Variants in PHACTR3 observed in about 807,000 individuals in gnomAD.
The protein encoded by PHACTR3 is protein phosphatase 1, regulatory subunit 123.
In PHACTR3, 16 loss-of-function variants were observed where a neutral mutation model predicts 66.8. That is an observed-to-expected ratio of 0.24 (90% CI 0.16 to 0.36). The LOEUF (loss-of-function observed/expected upper bound fraction) is 0.36. Ranked by LOEUF, PHACTR3 falls within the 10% of genes least tolerant of loss-of-function variation. The probability of loss-of-function intolerance (pLI) is 1.00; values close to 1 mark genes in which losing one functional copy is unlikely to be tolerated. For missense variants in PHACTR3, 647 were observed against 719.9 expected, an observed-to-expected ratio of 0.90 and a Z score of 1.16; for synonymous variants, 323 against 292.1, an observed-to-expected ratio of 1.11 and a Z score of -1.08.
At chr20:59,593,033 C>G (rs1022283681) in intron 1 of PHACTR3, among the ~76,000 whole-genome samples, 2 of 152,148 alleles carry the variant, frequency 1.3e-5, no homozygotes, top group Non-Finnish European at 2.9e-5. Flanking sequence ...ATGTCTGGAT[C>G]GTGTGGTAAG....
intron 1 of PHACTR3, among the ~76,000 whole-genome samples, chr20:59,631,485 G>A (rs2034661571): frequency 6.6e-6 from 1 of 152,120 alleles, no homozygotes; most frequent in Non-Finnish European, 1.5e-5. Flanking sequence ...AGGGAGGAGA[G>A]AGGTAGGACT....
intron 8 of PHACTR3, among the ~76,000 whole-genome samples, chr20:59,806,464 C>A (rs552723188): frequency 6.6e-6 from 1 of 152,380 alleles, no homozygotes; most frequent in South Asian, 2.1e-4. Context: ...TGGACATCAT[C>A]AAATGCCTCC....
chr20:59,743,201 G>T lies in PHACTR3; in HGVS notation c.213G>T (p.Leu71=). 1 of 1,614,112 alleles carries T rather than the reference G, an allele frequency of 6.2e-7. No homozygotes were observed. Among genetic ancestry groups the T allele is most frequent in the Non-Finnish European group, 8.5e-7 (1 of 1,179,982 alleles). The change falls in exon 2 of 13, where the codon CTG becomes CTT. Residue 71 remains leucine (L), a synonymous_variant. Transcript: ENST00000371015. ...PVRRNSKLAT[L]GRIFKPWKWR... ...GGAGGAACAGCAAACTGGCCACCCT[G>T]GGCAGGATCTTCAAACCCTGGAAAT...
At chr20:59,674,177 C>A (rs879129929) in intron 1 of PHACTR3, among the ~76,000 whole-genome samples, 4 of 143,532 alleles carry the variant, frequency 2.8e-5, no homozygotes, top group African/African-American at 5.7e-5. Flanking sequence ...AAGGGCAAGA[C>A]GTCTTCTAAC....
chr20:59,614,992 T>C (rs746034826), intron 1 of PHACTR3, among the ~76,000 whole-genome samples: 1 of 152,166 alleles, frequency 6.6e-6, no homozygotes, highest in African/African-American at 2.4e-5. Context: ...ACCTCCACGG[T>C]GTCAGGACTG....
At chr20:59,790,482 G>A (rs2041056766) in intron 7 of PHACTR3, among the ~76,000 whole-genome samples, 1 of 152,212 alleles carries the variant, frequency 6.6e-6, no homozygotes, top group Non-Finnish European at 1.5e-5. Context: ...GCAGGAATGA[G>A]GACATTTTCT....
At chr20:59,608,766 C>T (rs1183119332) in intron 1 of PHACTR3, among the ~76,000 whole-genome samples, 2 of 152,238 alleles carry the variant, frequency 1.3e-5, no homozygotes, top group African/African-American at 2.4e-5. Context: ...GTGTTCTGCC[C>T]GGTCCTTCCA....
At chr20:59,586,544 G>A (rs1339584502) in intron 1 of PHACTR3, among the ~76,000 whole-genome samples, 1 of 151,600 alleles carries the variant, frequency 6.6e-6, no homozygotes, top group Admixed American at 6.6e-5. Flanking sequence ...TTTACTGTTT[G>A]GTTAAACATT....
chr20:59,583,602 C>A (rs1455033674), intron 1 of PHACTR3, among the ~76,000 whole-genome samples: 1 of 152,254 alleles, frequency 6.6e-6, no homozygotes, highest in Non-Finnish European at 1.5e-5. Context: ...CCAACAACCC[C>A]AGGGTGCTGG....
chr20:59,668,870 T>G lies in PHACTR3; in HGVS notation c.118+63738T>G, dbSNP rs866066668. 2.7e-4 allele frequency among the ~76,000 whole-genome samples: 37 copies of G among 138,678 alleles called. No homozygotes were observed. The South Asian group carries it at 5.3e-3, about 20-fold the overall frequency. 91.0% of individuals were successfully genotyped at this position (138,678 alleles called of 152,430 possible). A position where few individuals can be genotyped will look rare whatever the true frequency, so the allele number is the denominator to read the frequency against. ...TGCCCGTCACCACACACAGCTAATT[T>G]TTTTATTTTATTTTATTTTATTTTA... On this transcript the variant is annotated intron_variant, in intron 1 of 12. Transcript: ENST00000371015.
chr20:59,649,310 T>C (rs907984892), intron 1 of PHACTR3, among the ~76,000 whole-genome samples: 1 of 152,240 alleles, frequency 6.6e-6, no homozygotes, highest in East Asian at 1.9e-4. Flanking sequence ...AGCCAAGATA[T>C]GTGTATTTTC....
At chr20:59,671,664 C>G (rs1048480782) in intron 1 of PHACTR3, among the ~76,000 whole-genome samples, 2 of 152,236 alleles carry the variant, frequency 1.3e-5, no homozygotes, top group Admixed American at 1.3e-4. Context: ...CTAGAGGGTT[C>G]ATGAGGATGG....
In PHACTR3 at chr20:59,756,137, G is replaced by A. The variant is rs191687678; in HGVS notation, c.541+773G>A. 1.4e-4 allele frequency among the ~76,000 whole-genome samples: 21 copies of A among 152,256 alleles called. No individual in the cohort carries two copies. In the East Asian group the frequency reaches 4.1e-3, roughly 29 times the overall value. ...TAGGGGAGAAGGGAGGAAGGATAGA[G>A]GGGAGGAAAGCAGGAACTGGCCACA... On this transcript the variant is annotated intron_variant, in intron 4 of 12. Transcript: ENST00000371015.
chr20:59,601,206 G>C (rs2033470145), upstream of PHACTR3, among the ~76,000 whole-genome samples: 1 of 152,154 alleles, frequency 6.6e-6, no homozygotes, highest in African/African-American at 2.4e-5. Flanking sequence ...GCATATAACT[G>C]GGTTCATGTG....
chr20:59,804,756 T>C (rs143368811), intron 7 of PHACTR3, among the ~76,000 whole-genome samples: 84 of 152,354 alleles, frequency 5.5e-4, no homozygotes, highest in African/African-American at 1.9e-3. Context: ...ATGTTAGAAA[T>C]TCAAGACTTG....
At chr20:59,597,958 G>A (rs1004153444) in intron 1 of PHACTR3, among the ~76,000 whole-genome samples, 1 of 152,240 alleles carries the variant, frequency 6.6e-6, no homozygotes, top group African/African-American at 2.4e-5. Flanking sequence ...CCAGAAGCCT[G>A]TTCCTCTCCT....
chr20:59,766,129 C>G (rs892084321), intron 4 of PHACTR3, among the ~76,000 whole-genome samples: 4 of 152,280 alleles, frequency 2.6e-5, no homozygotes, highest in Non-Finnish European at 5.9e-5. Flanking sequence ...CTCAGTTTCC[C>G]CTGTAAAGCT....
intron 1 of PHACTR3, among the ~76,000 whole-genome samples, chr20:59,723,114 C>CTTTCTT (rs1463896241): frequency 9.4e-6 from 1 of 106,622 alleles, no homozygotes; most frequent in African/African-American, 3.6e-5. Flanking sequence ...TTCTTTCTTT[C>CTTTCTT]TTTCTTCAGC....
At chr20:59,754,851 C>A (rs982941189) in intron 3 of PHACTR3, among the ~76,000 whole-genome samples, 1 of 152,242 alleles carries the variant, frequency 6.6e-6, no homozygotes, top group African/African-American at 2.4e-5. Flanking sequence ...AGGGCAGAGG[C>A]CGGGGTCAGA....
Sources: allele counts gnomAD v4.1 joint callset (sites outside exome capture counted in the v4.1 genomes callset), GRCh38; gene constraint gnomAD v4.1.1; transcripts MANE v1.5; gene names NCBI Gene and HGNC (gene_info 2026-07-23, HGNC 2026-07-21).